The following ARSB variants were observed in gnomAD, a reference collection of about 807,000 sequenced individuals.
ARSB encodes N-acetylgalactosamine-4-sulfatase.
Under a neutral mutation model 50.9 loss-of-function variants are expected in ARSB, and 41 were observed. The ratio of observed to expected loss-of-function variants is 0.81; its 90% CI spans 0.63 to 1.04. The LOEUF is 1.04. Among genes scored for constraint, ARSB ranks in the 50% least tolerant of loss-of-function variants. ARSB has a pLI of 0.00. For synonymous variants in ARSB, 269 were observed against 284.8 expected, an observed-to-expected ratio of 0.94 and a Z score of 0.56; for missense variants, 672 against 693.3, an observed-to-expected ratio of 0.97 and a Z score of 0.35.
intron 4 of ARSB, among the ~76,000 whole-genome samples, chr5:78,906,708 T>C (rs1224712130): frequency 6.6e-6 from 1 of 152,212 alleles, no homozygotes; most frequent in African/African-American, 2.4e-5. Context: ...CTAAGTACTT[T>C]TAAGAAGCCT....
chr5:78,909,793 C>A (rs1749223667), intron 4 of ARSB, among the ~76,000 whole-genome samples: 1 of 152,114 alleles, frequency 6.6e-6, no homozygotes, highest in African/African-American at 2.4e-5. Context: ...CGTGAAGGGT[C>A]TGTGCTGAGG....
At chr5:78,884,549 C>T (rs1450934813) in intron 5 of ARSB, 1 of 151,930 alleles carries the variant, frequency 6.6e-6, no homozygotes, top group Non-Finnish European at 1.5e-5. Context: ...AAGTCCTCTC[C>T]CCCTGGCCAC....
intron 1 of ARSB, among the ~76,000 whole-genome samples, chr5:78,974,748 C>T (rs1752594852): frequency 6.6e-6 from 1 of 152,136 alleles, no homozygotes; most frequent in Admixed American, 6.5e-5. Flanking sequence ...AAAATAGCTG[C>T]AATGTTTGCA....
intron 5 of ARSB, among the ~76,000 whole-genome samples, chr5:78,874,542 A>C (rs1038243298): frequency 3.9e-5 from 6 of 152,190 alleles, no homozygotes; most frequent in African/African-American, 1.4e-4. Context: ...GTATAATGAT[A>C]AACAGTAGGA....
At position 78,968,156 on chromosome 5, in the gene ARSB, C is replaced by T. The variant is rs973814928; in HGVS notation, c.499+850G>A. 2.0e-5 allele frequency among the ~76,000 whole-genome samples: 3 copies of T among 151,140 alleles called. No homozygotes were observed. The East Asian group carries it at 5.8e-4, about 29-fold the overall frequency. The stretch of plus-strand genomic sequence containing the variant: ...CCTTTGTTTTTTAAAACCTATCTTC[C>T]CCAACTTTGTGATTGCAAAAACAGA... On this transcript the variant is annotated intron_variant, in intron 2 of 7. Transcript: ENST00000264914.
intron 3 of ARSB, 100 bp downstream of exon 3, chr5:78,964,316 T>C: frequency 1.7e-6 from 2 of 1,184,890 alleles, no homozygotes; most frequent in South Asian, 2.5e-5. Flanking sequence ...CTAGAATTTA[T>C]TAGATTTTTC....
At chr5:78,920,039 A>AG (rs1265578786) in intron 4 of ARSB, among the ~76,000 whole-genome samples, 3 of 141,194 alleles carry the variant, frequency 2.1e-5, no homozygotes, top group East Asian at 2.1e-4. Flanking sequence ...ATGCATTTTC[A>AG]GGGAAAAAAA....
At chr5:78,893,152 T>C (rs1748398163) in intron 4 of ARSB, among the ~76,000 whole-genome samples, 1 of 152,224 alleles carries the variant, frequency 6.6e-6, no homozygotes, top group African/African-American at 2.4e-5. Flanking sequence ...CACCTGGCTC[T>C]CATTTTGCTT....
intron 6 of ARSB, among the ~76,000 whole-genome samples, chr5:78,782,339 G>A (rs994303183): frequency 6.6e-6 from 1 of 152,100 alleles, no homozygotes; most frequent in Non-Finnish European, 1.5e-5. Context: ...CACTTTCTGT[G>A]TATACTTATA....
intron 1 of ARSB, among the ~76,000 whole-genome samples, chr5:78,974,322 T>C (rs1291430373): frequency 3.9e-5 from 6 of 151,936 alleles, no homozygotes; most frequent in Admixed American, 1.3e-4. Flanking sequence ...GTTTTAAGAG[T>C]CTATTTATTT....
At chr5:78,978,429 AAT>A (rs1752757891) in intron 1 of ARSB, among the ~76,000 whole-genome samples, 1 of 152,152 alleles carries the variant, frequency 6.6e-6, no homozygotes, top group Admixed American at 6.5e-5. Flanking sequence ...ATACTCTCCA[AAT>A]AGTTTTACAG....
Position 78,800,938 on chromosome 5 carries a change from G to A in ARSB, c.1214-18964C>T, listed in dbSNP as rs73767422. Among the ~76,000 whole-genome samples the A allele has an allele frequency of 7.1e-3, 1,075 of 152,286 alleles. 7 individuals carry two copies. The highest frequency in any genetic ancestry group is 0.025 in the African/African-American group (1,021 of 41,540). Reference sequence around the variant, plus strand: ...GATGAGCAGGAACAGGACATCCCAGGCAGAGTGTGGAAGAGTACAAGGTGA... The same window carrying A: ...GATGAGCAGGAACAGGACATCCCAGACAGAGTGTGGAAGAGTACAAGGTGA... On this transcript the variant is annotated intron_variant, in intron 6 of 7. Transcript: ENST00000264914.
intron 6 of ARSB, among the ~76,000 whole-genome samples, chr5:78,794,799 C>T (rs896163359): frequency 5.3e-5 from 8 of 152,178 alleles, no homozygotes; most frequent in East Asian, 1.9e-4. Flanking sequence ...CATCATTTAA[C>T]GCCTGACTGT....
At chr5:78,943,578 T>C (rs1751051406) in intron 4 of ARSB, among the ~76,000 whole-genome samples, 2 of 152,248 alleles carry the variant, frequency 1.3e-5, no homozygotes, top group African/African-American at 4.8e-5. Flanking sequence ...TTGAAAATTC[T>C]TTTCTTTAAG....
At chr5:78,782,237 C>A (rs1199310598) in intron 6 of ARSB, among the ~76,000 whole-genome samples, 3 of 152,188 alleles carry the variant, frequency 2.0e-5, no homozygotes, top group Admixed American at 1.3e-4. Flanking sequence ...TATGTTCTGC[C>A]AATGTACAGC....
chr5:78,939,396 G>T (rs61536252), intron 4 of ARSB, among the ~76,000 whole-genome samples: 1,624 of 151,672 alleles, frequency 0.011, 34 homozygotes, highest in African/African-American at 0.037. Context: ...TCATCATTTA[G>T]CATTAGGTAT....
chr5:78,903,311 A>G (rs921992221), intron 4 of ARSB, among the ~76,000 whole-genome samples: 2 of 152,188 alleles, frequency 1.3e-5, no homozygotes, highest in South Asian at 2.1e-4. Context: ...AATGTAAAAA[A>G]TCTGCTTCAT....
intron 4 of ARSB, among the ~76,000 whole-genome samples, chr5:78,941,351 C>T (rs1049978021): frequency 7.3e-5 from 11 of 151,622 alleles, no homozygotes; most frequent in African/African-American, 2.4e-4. Flanking sequence ...GAGGGCATCC[C>T]TGTCTTGTGC....
intron 4 of ARSB, among the ~76,000 whole-genome samples, chr5:78,919,178 G>T (rs755683768): frequency 7.2e-5 from 11 of 152,186 alleles, no homozygotes; most frequent in South Asian, 2.1e-4. Context: ...CATGTTAGCT[G>T]ATGTTCCGGT....
Sources: gnomAD v4.1 joint callset for allele counts (sites outside exome capture counted in the v4.1 genomes callset) on GRCh38, gnomAD v4.1.1 for gene constraint, MANE v1.5 for transcripts, NCBI Gene and HGNC (gene_info 2026-07-23, HGNC 2026-07-21) for gene names.